The following UNC5D variants were observed in gnomAD, a reference collection of about 807,000 sequenced individuals.
UNC5D encodes unc-5 netrin receptor D.
A neutral mutation model predicts 105.4 loss-of-function variants in UNC5D; 39 were observed. That is an observed-to-expected ratio of 0.37 (90% confidence interval 0.29 to 0.48). UNC5D has a LOEUF of 0.48. Ranked by LOEUF, UNC5D falls within the 20% of genes least tolerant of loss-of-function variation. The pLI, the probability that UNC5D is intolerant of heterozygous loss-of-function variation, is 0.98. For synonymous variants in UNC5D, 452 were observed against 450.4 expected (o/e 1.00, Z -0.04); for missense variants, 991 against 1,202.4 (o/e 0.82, Z 2.60).
At chr8:35,764,984 G>C (rs1240709910) in intron 14 of UNC5D, among the ~76,000 whole-genome samples, 3 of 152,224 alleles carry the variant, frequency 2.0e-5, no homozygotes, top group Non-Finnish European at 4.4e-5. Context: ...CCTCTGTAGA[G>C]AGCCAAGGTC....
At chr8:35,595,493 A>G in intron 3 of UNC5D, 61 bp from the exon 4 acceptor site, 1 of 1,503,898 alleles carries the variant, frequency 6.6e-7, no homozygotes, top group Non-Finnish European at 9.2e-7. Flanking sequence ...TTGTACTTGG[A>G]CCAAATTTGA....
chr8:35,429,703 G>A (rs532653518), intron 1 of UNC5D, among the ~76,000 whole-genome samples: 1 of 151,966 alleles, frequency 6.6e-6, no homozygotes, highest in East Asian at 1.9e-4. Context: ...TATTCTTTGA[G>A]GTTTCATTCA....
At chr8:35,388,678 AT>A (rs1349558537) in intron 1 of UNC5D, among the ~76,000 whole-genome samples, 1 of 152,200 alleles carries the variant, frequency 6.6e-6, no homozygotes, top group Non-Finnish European at 1.5e-5. Context: ...TAATTCAAAC[AT>A]AACTTCTGTG....
intron 4 of UNC5D, among the ~76,000 whole-genome samples, chr8:35,659,195 C>A (rs1392476313): frequency 6.6e-6 from 1 of 152,180 alleles, no homozygotes; most frequent in Non-Finnish European, 1.5e-5. Flanking sequence ...TATGGAGTGT[C>A]AGATTTCTGT....
chr8:35,494,638 G>A (rs540666414), intron 1 of UNC5D, among the ~76,000 whole-genome samples: 17 of 152,260 alleles, frequency 1.1e-4, no homozygotes, highest in South Asian at 4.1e-4. Flanking sequence ...CGTATACCCT[G>A]GCAGGATTCT....
intron 1 of UNC5D, among the ~76,000 whole-genome samples, chr8:35,528,197 T>TC (rs1814037545): frequency 7.0e-6 from 1 of 143,292 alleles, no homozygotes. Flanking sequence ...CCCTCCCCGC[T>TC]CCCCCCACCC....
rs550961381 is a variant in UNC5D, at chr8:35,511,421, C to T, written c.104-37871C>T. ...GGCTCAGGTGGGAGGATCTCTTGAG[C>T]CCAGGAATTCAAGGCCAGCCTGACC... On this transcript the variant is annotated intron_variant, in intron 1 of 16. Transcript: ENST00000404895. 2.0e-3 allele frequency among the ~76,000 whole-genome samples: 300 copies of T among 149,196 alleles called. 1 individual carries two copies. The highest frequency in any genetic ancestry group is 6.8e-3 in the African/African-American group (274 of 40,288).
At chr8:35,545,600 C>G (rs1043960922) in intron 1 of UNC5D, among the ~76,000 whole-genome samples, 2 of 151,362 alleles carry the variant, frequency 1.3e-5, no homozygotes, top group Non-Finnish European at 2.9e-5. Context: ...GAAGGCAGGG[C>G]GGGCTACAGG....
At chr8:35,725,725 T>C (rs60148169) in intron 9 of UNC5D, among the ~76,000 whole-genome samples, 4,342 of 152,250 alleles carry the variant, frequency 0.029, 224 homozygotes, top group African/African-American at 0.099. Context: ...TTGTCATCTC[T>C]TGCCATTTAA....
chr8:35,486,352 A>T (rs1810822830), intron 1 of UNC5D, among the ~76,000 whole-genome samples: 2 of 152,168 alleles, frequency 1.3e-5, no homozygotes, highest in Admixed American at 1.3e-4. Context: ...GCCCAGAGTG[A>T]TGGCATTAAG....
chr8:35,238,846 T>C (rs1802629512), intron 1 of UNC5D, among the ~76,000 whole-genome samples: 1 of 152,174 alleles, frequency 6.6e-6, no homozygotes, highest in Non-Finnish European at 1.5e-5. Flanking sequence ...GATTTACACA[T>C]ACTTAAATCC....
At chr8:35,596,744 G>A (rs1382147736) in intron 4 of UNC5D, among the ~76,000 whole-genome samples, 2 of 152,128 alleles carry the variant, frequency 1.3e-5, no homozygotes, top group African/African-American at 4.8e-5. Flanking sequence ...GTAGATAAGG[G>A]ACAAATGGTT....
intron 4 of UNC5D, among the ~76,000 whole-genome samples, chr8:35,673,281 G>A (rs1010069456): frequency 6.6e-6 from 1 of 152,192 alleles, no homozygotes; most frequent in South Asian, 2.1e-4. Context: ...CATCTAATCT[G>A]AAAGTGGTGA....
intron 1 of UNC5D, among the ~76,000 whole-genome samples, chr8:35,360,362 G>A (rs1191813651): frequency 6.6e-6 from 1 of 152,158 alleles, no homozygotes; most frequent in Admixed American, 6.6e-5. Flanking sequence ...TTTCATTAGA[G>A]AATCTCTCTA....
chr8:35,385,313 C>T (rs1286350351), intron 1 of UNC5D, among the ~76,000 whole-genome samples: 1 of 152,136 alleles, frequency 6.6e-6, no homozygotes, highest in African/African-American at 2.4e-5. Flanking sequence ...CCTGTTAAAG[C>T]TGCCATTCCG....
intron 3 of UNC5D, among the ~76,000 whole-genome samples, chr8:35,590,252 A>G (rs1297198217): frequency 6.6e-6 from 1 of 152,124 alleles, no homozygotes; most frequent in South Asian, 2.1e-4. Flanking sequence ...ATAAAAAAAA[A>G]ATTTAATTTT....
intron 1 of UNC5D, among the ~76,000 whole-genome samples, chr8:35,356,532 A>G (rs982206155): frequency 2.6e-5 from 4 of 152,160 alleles, no homozygotes; most frequent in Admixed American, 6.5e-5. Flanking sequence ...TTGAGGTATG[A>G]CAGCAAAAGT....
intron 1 of UNC5D, among the ~76,000 whole-genome samples, chr8:35,519,827 C>T (rs554190292): frequency 1.3e-5 from 2 of 152,038 alleles, no homozygotes; most frequent in Non-Finnish European, 2.9e-5. Flanking sequence ...AAAAGTTCAA[C>T]ATCCTTAGCC....
At chr8:35,682,955 G>A (rs1357103205) in intron 4 of UNC5D, among the ~76,000 whole-genome samples, 5 of 152,154 alleles carry the variant, frequency 3.3e-5, no homozygotes, top group African/African-American at 9.7e-5. Flanking sequence ...GAGGAGTAAC[G>A]TAAATGATCA....
Sources: gnomAD v4.1 joint callset for allele counts (sites outside exome capture counted in the v4.1 genomes callset) on GRCh38, gnomAD v4.1.1 for gene constraint, MANE v1.5 for transcripts, NCBI Gene and HGNC (gene_info 2026-07-23, HGNC 2026-07-21) for gene names.